ATP11A: variants seen among roughly 807,000 people sequenced by gnomAD.
The protein encoded by ATP11A is ATPase phospholipid transporting 11A, also known as phospholipid-transporting ATPase IH.
A neutral mutation model predicts 154.4 loss-of-function variants in ATP11A; 81 were observed. The observed-to-expected ratio is 0.52, with a 90% CI of 0.44 to 0.63. ATP11A has a LOEUF of 0.63. Ranked by LOEUF, ATP11A falls within the 30% of genes least tolerant of loss-of-function variation. ATP11A has a pLI of 0.00. For synonymous variants in ATP11A, 623 were observed against 585.9 expected (o/e 1.06, Z -0.91); for missense variants, 1,316 against 1,474.3 (o/e 0.89, Z 1.76).
intron 2 of ATP11A, among the ~76,000 whole-genome samples, chr13:112,797,650 G>C (rs745650078): frequency 1.3e-5 from 2 of 152,196 alleles, no homozygotes; most frequent in Non-Finnish European, 2.9e-5. Flanking sequence ...GAAAAAGCCA[G>C]CAACCCAGAA....
chr13:112,864,255 G>A (rs572922032), intron 25 of ATP11A, among the ~76,000 whole-genome samples: 20 of 114,226 alleles, frequency 1.8e-4, no homozygotes, highest in African/African-American at 5.9e-4. Context: ...GCTTCCCAGC[G>A]GGGTCCATCA....
chr13:112,849,852 G>A (rs1348031985), intron 17 of ATP11A, among the ~76,000 whole-genome samples: 4 of 152,224 alleles, frequency 2.6e-5, no homozygotes, highest in African/African-American at 9.6e-5. Context: ...GGGTGGCTGA[G>A]CAGCGTCTGT....
intron 12 of ATP11A, among the ~76,000 whole-genome samples, chr13:112,828,118 G>GAAACGCCCAGCAGTGTTGAGTAGGTGGGA (rs143513857): frequency 6.5e-5 from 8 of 122,368 alleles, no homozygotes; most frequent in African/African-American, 3.2e-5. Context: ...TGAGTGGGGG[G>GAAACGCCCAGCAGTGTTGAGTAGGTGGGA]AAGCGCCCAG....
intron 25 of ATP11A, among the ~76,000 whole-genome samples, chr13:112,869,709 C>T (rs1211266529): frequency 2.6e-5 from 4 of 152,250 alleles, no homozygotes; most frequent in Admixed American, 2.0e-4. Flanking sequence ...GCTGTGGAGG[C>T]ACCACTTGGC....
At chr13:112,881,106 A>G (rs1171265780) in intron 29 of ATP11A, 16 of 987,576 alleles carry the variant, frequency 1.6e-5, no homozygotes, top group Non-Finnish European at 1.8e-5. Context: ...TCCAACAGAC[A>G]TGGAGGCCAT....
chr13:112,868,272 G>C (rs571621496), intron 25 of ATP11A, among the ~76,000 whole-genome samples: 1 of 152,366 alleles, frequency 6.6e-6, no homozygotes, highest in East Asian at 1.9e-4. Context: ...AGGGAGGGGA[G>C]GCAGTGGATG....
In ATP11A at chr13:112,749,118, G is replaced by A. The variant is rs78858477; in HGVS notation, c.40-36017G>A. Reference sequence around the variant, plus strand: ...CAGCGTCCCCAGCGGCCTCCCTGGCGTGCCACAGCATGAGGCTGTCTGCTC... The same window carrying A: ...CAGCGTCCCCAGCGGCCTCCCTGGCATGCCACAGCATGAGGCTGTCTGCTC... On this transcript the variant is annotated intron_variant, in intron 1 of 29. Coordinates refer to ENST00000375645, the MANE Select transcript of ATP11A (RefSeq NM_015205.3). Among the ~76,000 whole-genome samples, 38 of 152,338 alleles carry A rather than the reference G, an allele frequency of 2.5e-4. No homozygotes were observed. In the East Asian group the frequency reaches 3.5e-3, roughly 14 times the overall value.
intron 1 of ATP11A, among the ~76,000 whole-genome samples, chr13:112,703,547 T>C (rs1043434656): frequency 6.6e-6 from 1 of 152,226 alleles, no homozygotes; most frequent in Non-Finnish European, 1.5e-5. Flanking sequence ...TGTTGCTTTA[T>C]GAAATAGATG....
chr13:112,752,563 C>G (rs1455741051), intron 1 of ATP11A, among the ~76,000 whole-genome samples: 1 of 152,210 alleles, frequency 6.6e-6, no homozygotes, highest in East Asian at 1.9e-4. Flanking sequence ...GTCTTCAGCA[C>G]TGAATACGCG....
At chr13:112,712,878 G>T (rs982524908) in intron 1 of ATP11A, among the ~76,000 whole-genome samples, 3 of 152,238 alleles carry the variant, frequency 2.0e-5, no homozygotes, top group Admixed American at 1.3e-4. Context: ...TGAACACAAA[G>T]CGTATGAAAG....
chr13:112,809,882 G>A (rs1220379782), intron 4 of ATP11A, among the ~76,000 whole-genome samples: 1 of 152,194 alleles, frequency 6.6e-6, no homozygotes, highest in African/African-American at 2.4e-5. Context: ...TGCCTTCGTA[G>A]TTGGAATCGG....
chr13:112,832,026 ACACTCT>A (rs1175606230), intron 13 of ATP11A, among the ~76,000 whole-genome samples: 1 of 151,806 alleles, frequency 6.6e-6, no homozygotes, highest in African/African-American at 2.4e-5. Context: ...ACATGCAGAC[ACACTCT>A]CACACACTCC....
chr13:112,870,906 G>C (rs796930427), intron 25 of ATP11A, among the ~76,000 whole-genome samples: 1 of 152,190 alleles, frequency 6.6e-6, no homozygotes, highest in African/African-American at 2.4e-5. Flanking sequence ...CACGGGTCGG[G>C]CACGCGGTCC....
chr13:112,739,975 G>C lies in ATP11A; in HGVS notation c.40-45160G>C, dbSNP rs745708881. On this transcript the variant is annotated intron_variant, in intron 1 of 29. Transcript: ENST00000375645. ...TTAATGGTTGGCAGGGGCTGGGGGA[G>C]GGGGCGTGGGAGCGACTGTAGGTCT... Among the ~76,000 whole-genome samples the C allele has an allele frequency of 6.7e-4, 102 of 152,136 alleles. 1 individual carries two copies. Among genetic ancestry groups the C allele is most frequent in the Non-Finnish European group, 1.2e-3 (84 of 68,020 alleles).
chr13:112,735,485 A>C (rs1332895796), intron 1 of ATP11A, among the ~76,000 whole-genome samples: 1 of 152,184 alleles, frequency 6.6e-6, no homozygotes, highest in South Asian at 2.1e-4. Flanking sequence ...TATTTGTATA[A>C]ATTTATAAAT....
At chr13:112,822,053 T>C (rs549977073) in intron 8 of ATP11A, among the ~76,000 whole-genome samples, 18 of 152,346 alleles carry the variant, frequency 1.2e-4, no homozygotes, top group Admixed American at 7.8e-4. Context: ...CGACCAAATA[T>C]ACTGCATGCA....
In ATP11A at chr13:112,886,590, T is replaced by A. The variant is rs912696159; in HGVS notation, c.*4724T>A. ...AACTGGAATGAAAATCTTTCTGATG[T>A]TGTGTCTATAAGCAGCCTTGATGGG... On this transcript the variant is annotated 3_prime_UTR_variant, in exon 30 of 30. Coordinates refer to ENST00000375645, the MANE Select transcript of ATP11A (RefSeq NM_015205.3). 6.6e-6 allele frequency: 1 copy of A among 152,558 alleles called. No homozygotes were observed. Among genetic ancestry groups the A allele is most frequent in the African/African-American group, 2.4e-5 (1 of 41,442 alleles). The allele number at this position is 152,558 out of a possible 1,614,324, so 9.5% of individuals were successfully genotyped here.
chr13:112,873,456 G>T (rs2080608481), intron 26 of ATP11A, 117 bp from the exon 27 acceptor site: 1 of 705,688 alleles, frequency 1.4e-6, no homozygotes, highest in African/African-American at 1.8e-5. Context: ...AGTCGTCATT[G>T]CTGGGTCTTG....
At chr13:112,771,477 G>A (rs368872584) in intron 1 of ATP11A, among the ~76,000 whole-genome samples, 24 of 152,294 alleles carry the variant, frequency 1.6e-4, no homozygotes, top group African/African-American at 5.5e-4. Context: ...GCCCTCAGCC[G>A]TTTCTCTCTT....
Sources: gnomAD v4.1 joint callset for allele counts (sites outside exome capture counted in the v4.1 genomes callset) on GRCh38, gnomAD v4.1.1 for gene constraint, MANE v1.5 for transcripts, NCBI Gene and HGNC (gene_info 2026-07-23, HGNC 2026-07-21) for gene names.